The following SNX13 variants were observed in gnomAD, a reference collection of about 807,000 sequenced individuals.
SNX13 encodes the protein sorting nexin-13.
SNX13 carries 45 observed loss-of-function variants against 133.6 expected under a neutral mutation model. That is an observed-to-expected ratio of 0.34 (90% confidence interval 0.27 to 0.43). The LOEUF is 0.43. SNX13 is among the 20% of genes least tolerant of loss of function. The pLI is 1.00. For missense variants in SNX13, 1,032 were observed against 1,145.1 expected, an observed-to-expected ratio of 0.90 and a Z score of 1.43; for synonymous variants, 414 against 373.9, an observed-to-expected ratio of 1.11 and a Z score of -1.24.
chr7:17,870,107 G>A lies in SNX13; in HGVS notation c.754-1617C>T, dbSNP rs558800147. On this transcript the variant is annotated intron_variant, in intron 8 of 25. Coordinates refer to ENST00000428135, the MANE Select transcript of SNX13 (RefSeq NM_015132.5). ...AGCTCTAAATATTCCAAGCAAGTAG[G>A]CACTTCCACATAATTCCTACTTTAA... Among the ~76,000 whole-genome samples the A allele has an allele frequency of 6.6e-5, 10 of 152,176 alleles. No homozygotes were observed. The South Asian group carries it at 1.0e-3, about 16-fold the overall frequency.
intron 20 of SNX13, 90 bp from the exon 21 acceptor site, chr7:17,803,670 T>A: frequency 8.9e-7 from 1 of 1,122,244 alleles, no homozygotes; most frequent in Non-Finnish European, 1.2e-6. Context: ...AGTGCAACAC[T>A]GGAAAGATGC....
chr7:17,809,062 A>C (rs758288919), intron 20 of SNX13, among the ~76,000 whole-genome samples: 2 of 152,234 alleles, frequency 1.3e-5, no homozygotes, highest in East Asian at 1.9e-4. Flanking sequence ...CGAGCAAAAT[A>C]ACCAGCTAAC....
At chr7:17,925,019 C>T (rs530259656) in intron 1 of SNX13, among the ~76,000 whole-genome samples, 17 of 152,184 alleles carry the variant, frequency 1.1e-4, no homozygotes, top group Middle Eastern at 3.4e-3. Context: ...ACCAGCCTGG[C>T]CAACATGGTT....
chr7:17,934,386 CAACTT>C (rs1177187811), intron 1 of SNX13, among the ~76,000 whole-genome samples: 1 of 152,170 alleles, frequency 6.6e-6, no homozygotes, highest in Non-Finnish European at 1.5e-5. Flanking sequence ...TTTTAGATGT[CAACTT>C]GACTATATTA....
At chr7:17,845,423 T>C (rs914172295) in intron 12 of SNX13, among the ~76,000 whole-genome samples, 172 bp downstream of exon 12, 3 of 152,168 alleles carry the variant, frequency 2.0e-5, no homozygotes, top group Non-Finnish European at 4.4e-5. Context: ...GTTTCAGTTT[T>C]GGAAGATAAA....
intron 17 of SNX13, among the ~76,000 whole-genome samples, chr7:17,822,392 A>C (rs1419126351): frequency 2.0e-5 from 3 of 152,132 alleles, no homozygotes; most frequent in African/African-American, 7.2e-5. Context: ...AACGTCTCCA[A>C]AAGTTAATAG....
rs1279777970 is a variant in SNX13, at chr7:17,868,400, C to CA, written c.837+6dup. On this transcript the variant is annotated splice_region_variant and intron_variant, in intron 9 of 25. Coordinates refer to ENST00000428135, the MANE Select transcript of SNX13 (RefSeq NM_015132.5). ...AAAACAGAGTTGTAATTTTAAAAGG[C>CA]ACCTACCATCCATATGACATACTGA... The CA allele has an allele frequency of 1.3e-6, 2 of 1,581,030 alleles. No individual in the cohort carries two copies. The highest frequency in any genetic ancestry group is 1.7e-6 in the Non-Finnish European group (2 of 1,160,734).
intron 1 of SNX13, among the ~76,000 whole-genome samples, chr7:17,925,952 T>C (rs1308567585): frequency 6.6e-6 from 1 of 152,234 alleles, no homozygotes. Flanking sequence ...AATTGGGAAT[T>C]GCCGATAATT....
At chr7:17,882,030 C>T (rs996617264) in intron 5 of SNX13, 2 of 152,312 alleles carry the variant, frequency 1.3e-5, no homozygotes, top group South Asian at 2.1e-4. Flanking sequence ...TCTTCACAAA[C>T]ATTCCTGAAC....
chr7:17,819,904 C>T (rs1163957818), intron 18 of SNX13, among the ~76,000 whole-genome samples: 1 of 151,924 alleles, frequency 6.6e-6, no homozygotes, highest in African/African-American at 2.4e-5. Context: ...CACACACACA[C>T]ACACACACAC....
intron 1 of SNX13, among the ~76,000 whole-genome samples, chr7:17,911,294 A>G (rs1798951634): frequency 6.6e-6 from 1 of 152,194 alleles, no homozygotes; most frequent in South Asian, 2.1e-4. Context: ...CAAAGTGTGA[A>G]GTAGTACTTA....
intron 17 of SNX13, among the ~76,000 whole-genome samples, chr7:17,822,361 A>T (rs1787394661): frequency 6.6e-6 from 1 of 152,046 alleles, no homozygotes; most frequent in Admixed American, 6.6e-5. Flanking sequence ...ACATTTCTTT[A>T]TCTTTCTGCA....
chr7:17,890,887 T>C (rs762547963), intron 4 of SNX13, among the ~76,000 whole-genome samples: 3 of 151,916 alleles, frequency 2.0e-5, no homozygotes, highest in Non-Finnish European at 4.4e-5. Flanking sequence ...AAAAGTTTTT[T>C]TAAAGATTAT....
chr7:17,897,232 A>G, intron 2 of SNX13, 102 bp downstream of exon 2: 1 of 538,362 alleles, frequency 1.9e-6, no homozygotes. Context: ...TTTATTAAAA[A>G]TGGCATTCAC....
Position 17,940,396 on chromosome 7 carries a change from G to A in SNX13, c.-101C>T, listed in dbSNP as rs1451500249. 3.0e-6 allele frequency: 4 copies of A among 1,350,960 alleles called. No homozygotes were observed. The highest frequency in any genetic ancestry group is 4.1e-6 in the Non-Finnish European group (4 of 968,250). 83.7% of individuals were successfully genotyped at this position (1,350,960 alleles called of 1,614,324 possible). A position where few individuals can be genotyped will look rare whatever the true frequency, so the allele number is the denominator to read the frequency against. ...CGGGCCGCCGCCAACGGCGGCAACT[G>A]CTCCTTCAGTCTTCTCCCGGGCGGC... On this transcript the variant is annotated 5_prime_UTR_variant, in exon 1 of 26. An upstream open reading frame in the 5' UTR gains an earlier in-frame stop. Coordinates refer to ENST00000428135, the MANE Select transcript of SNX13 (RefSeq NM_015132.5).
intron 1 of SNX13, among the ~76,000 whole-genome samples, chr7:17,916,642 CCAAAATTGAAT>C (rs1010936569): frequency 1.3e-5 from 2 of 151,626 alleles, no homozygotes; most frequent in African/African-American, 2.4e-5. Flanking sequence ...ATAACAAGTT[CCAAAATTGAAT>C]CAGTAACAAA....
chr7:17,868,599 T>G, intron 8 of SNX13, 109 bp from the exon 9 acceptor site: 1 of 769,012 alleles, frequency 1.3e-6, no homozygotes, highest in Admixed American at 2.9e-5. Context: ...ATGATATACA[T>G]GTAACTAGGA....
chr7:17,837,012 T>C (rs1338159938), intron 13 of SNX13, among the ~76,000 whole-genome samples: 5 of 152,148 alleles, frequency 3.3e-5, no homozygotes, highest in African/African-American at 4.8e-5. Flanking sequence ...TTATGCAGTG[T>C]TACCACTGAA....
At chr7:17,841,326 A>G (rs2128317368) in intron 12 of SNX13, among the ~76,000 whole-genome samples, 1 of 152,178 alleles carries the variant, frequency 6.6e-6, no homozygotes, top group South Asian at 2.1e-4. Context: ...AAAAGCAACC[A>G]CATATGTGGG....
Sources: gnomAD v4.1 joint callset for allele counts (sites outside exome capture counted in the v4.1 genomes callset) on GRCh38, gnomAD v4.1.1 for gene constraint, MANE v1.5 for transcripts, NCBI Gene and HGNC (gene_info 2026-07-23, HGNC 2026-07-21) for gene names.